Variants in ZNF536 observed in about 807,000 individuals in gnomAD.
ZNF536 encodes zinc finger protein 536.
ZNF536 carries 13 observed loss-of-function variants against 84.5 expected under a neutral mutation model. The ratio of observed to expected loss-of-function variants is 0.15; its 90% CI spans 0.10 to 0.24. ZNF536 has a LOEUF of 0.24. ZNF536 is among the 10% of genes least tolerant of loss of function. The pLI, the probability that ZNF536 is intolerant of heterozygous loss-of-function variation, is 1.00. For missense variants in ZNF536, 1,536 were observed against 1,747.5 expected, an observed-to-expected ratio of 0.88 and a Z score of 2.16; for synonymous variants, 811 against 742.5, an observed-to-expected ratio of 1.09 and a Z score of -1.50.
chr19:30,670,057 G>C (rs1319646069), intron 1 of ZNF536, among the ~76,000 whole-genome samples: 1 of 152,234 alleles, frequency 6.6e-6, no homozygotes, highest in African/African-American at 2.4e-5. Flanking sequence ...AGGTGGGAGA[G>C]GGCGGGCCCG....
intron 2 of ZNF536, among the ~76,000 whole-genome samples, chr19:30,484,261 T>C (rs1333241709): frequency 1.4e-5 from 2 of 146,724 alleles, no homozygotes; most frequent in Non-Finnish European, 3.0e-5. Flanking sequence ...GGAGTCTAGC[T>C]CTGTCACCAG....
chr19:30,636,679 T>C (rs779981343), intron 1 of ZNF536, among the ~76,000 whole-genome samples: 1 of 152,218 alleles, frequency 6.6e-6, no homozygotes, highest in Non-Finnish European at 1.5e-5. Context: ...AGGGTCTTTA[T>C]GTGCCTTTGA....
intron 2 of ZNF536, among the ~76,000 whole-genome samples, chr19:30,493,483 G>T (rs1179414182): frequency 6.6e-6 from 1 of 152,122 alleles, no homozygotes; most frequent in African/African-American, 2.4e-5. Context: ...AATGTGACAA[G>T]CTTTGCTGGA....
intron 2 of ZNF536, among the ~76,000 whole-genome samples, chr19:30,503,251 T>G (rs1440713035): frequency 6.6e-6 from 1 of 152,084 alleles, no homozygotes; most frequent in East Asian, 1.9e-4. Flanking sequence ...ACATGATAGA[T>G]GAAGGGTTAA....
chr19:30,680,115 G>A lies in ZNF536; in HGVS notation c.170-30642G>A, dbSNP rs1013747291. Among the ~76,000 whole-genome samples, 61 of 152,266 alleles carry A rather than the reference G, an allele frequency of 4.0e-4. 1 individual carries two copies. The highest frequency in any genetic ancestry group is 3.3e-3 in the South Asian group (16 of 4,822). On this transcript the variant is annotated intron_variant, in intron 1 of 1. Transcript: ENST00000592773. ...AAAAAGACTCCTGGGTCTGGAGGCC[G>A]GAGATGACAATCCTGCCTCCTCTCT...
intron 2 of ZNF536, among the ~76,000 whole-genome samples, chr19:30,459,354 C>CTTT (rs1257308245): frequency 1.5e-4 from 15 of 99,450 alleles, no homozygotes; most frequent in African/African-American, 2.6e-4. Flanking sequence ...TTCTTTCTCT[C>CTTT]TTTTTTTTTT....
At chr19:30,387,678 G>T (rs989537303) in intron 1 of ZNF536, among the ~76,000 whole-genome samples, 2 of 152,232 alleles carry the variant, frequency 1.3e-5, no homozygotes, top group African/African-American at 2.4e-5. Flanking sequence ...ATCCCTGTTT[G>T]CAGAGAGGCT....
chr19:30,656,032 G>A (rs1343493581), intron 1 of ZNF536, among the ~76,000 whole-genome samples: 2 of 151,190 alleles, frequency 1.3e-5, no homozygotes, highest in Non-Finnish European at 2.9e-5. Context: ...GAGCAAGACC[G>A]TGTTTCATAA....
chr19:30,706,932 C>T (rs1179373756), intron 1 of ZNF536, among the ~76,000 whole-genome samples: 2 of 152,154 alleles, frequency 1.3e-5, no homozygotes, highest in Non-Finnish European at 2.9e-5. Context: ...TCTCAGGTTT[C>T]CCGGTGTCTT....
At chr19:30,538,576 T>A (rs1467715308) in intron 3 of ZNF536, among the ~76,000 whole-genome samples, 3 of 152,142 alleles carry the variant, frequency 2.0e-5, no homozygotes, top group African/African-American at 7.2e-5. Flanking sequence ...TATGGGTCAC[T>A]AGGATGTTTC....
chr19:30,635,080 G>GTA (rs1303310429), intron 1 of ZNF536, among the ~76,000 whole-genome samples: 2 of 152,056 alleles, frequency 1.3e-5, no homozygotes, highest in East Asian at 1.9e-4. Flanking sequence ...GTGTGTGTGT[G>GTA]TGTGTGTGTG....
intron 1 of ZNF536, among the ~76,000 whole-genome samples, chr19:30,400,712 T>C (rs755777200): frequency 3.9e-5 from 6 of 152,152 alleles, no homozygotes; most frequent in Non-Finnish European, 8.8e-5. Context: ...ACTACAGGTG[T>C]GAGCTACCAT....
At chr19:30,289,777 C>A (rs1021647871) in intron 2 of ZNF536, among the ~76,000 whole-genome samples, 3 of 152,196 alleles carry the variant, frequency 2.0e-5, no homozygotes, top group Admixed American at 1.3e-4. Flanking sequence ...GCTCTTATGC[C>A]TCTATGCCAA....
chr19:30,250,046 G>A (rs1368152267), intron 1 of ZNF536, among the ~76,000 whole-genome samples: 2 of 152,120 alleles, frequency 1.3e-5, no homozygotes, highest in Non-Finnish European at 2.9e-5. Context: ...GGTAATAATC[G>A]GTGTGACCTG....
In ZNF536 at chr19:30,436,143, T is replaced by C. The variant is rs1016351702; in HGVS notation, c.-2-7418T>C. ...CTCAAGTCAGTGAGGGCCTTGACTT[T>C]GGCCAATGTTCCATCCCCAAGGGGA... On this transcript the variant is annotated intron_variant, in intron 1 of 4. Transcript: ENST00000355537. Among the ~76,000 whole-genome samples, 11 of 152,312 alleles carry C rather than the reference T, an allele frequency of 7.2e-5. No homozygotes were observed. The East Asian group carries it at 2.1e-3, about 29-fold the overall frequency.
At chr19:30,460,219 CA>C (rs2053071086) in intron 2 of ZNF536, among the ~76,000 whole-genome samples, 1 of 152,172 alleles carries the variant, frequency 6.6e-6, no homozygotes, top group Admixed American at 6.5e-5. Context: ...TGGTTCATGG[CA>C]AGGAAGTTAG....
chr19:30,708,266 G>A (rs1389979670), intron 1 of ZNF536, among the ~76,000 whole-genome samples: 7 of 152,204 alleles, frequency 4.6e-5, no homozygotes, highest in Middle Eastern at 3.2e-3. Flanking sequence ...TGAGCCTGCA[G>A]AGAATGAAGT....
chr19:30,587,487 C>G (rs1260104301), intron 1 of ZNF536, among the ~76,000 whole-genome samples: 2 of 152,156 alleles, frequency 1.3e-5, no homozygotes, highest in African/African-American at 2.4e-5. Flanking sequence ...AAGTGCTCAT[C>G]CCCCGGGGGT....
chr19:30,466,224 A>G (rs1460881058), intron 2 of ZNF536, among the ~76,000 whole-genome samples: 2 of 151,782 alleles, frequency 1.3e-5, no homozygotes, highest in African/African-American at 2.4e-5. Flanking sequence ...CCCTGTCTAA[A>G]AAAAAAATAC....
Sources: allele counts gnomAD v4.1 joint callset (sites outside exome capture counted in the v4.1 genomes callset), GRCh38; gene constraint gnomAD v4.1.1; transcripts MANE v1.5; gene names NCBI Gene and HGNC (gene_info 2026-07-23, HGNC 2026-07-21).